Variants in GRB14 observed in about 807,000 individuals in gnomAD.
The protein encoded by GRB14 is growth factor receptor-bound protein 14.
GRB14 carries 38 observed loss-of-function variants against 69.1 expected under a neutral mutation model. That is an observed-to-expected ratio of 0.55 (90% CI 0.42 to 0.72). GRB14 has a LOEUF of 0.72. Ranked by LOEUF, GRB14 falls within the 30% of genes least tolerant of loss-of-function variation. The pLI is 0.00. For synonymous variants in GRB14, 247 were observed against 241.3 expected (o/e 1.02, Z -0.22); for missense variants, 666 against 666.1 (o/e 1.00, Z 0.00).
intron 2 of GRB14, among the ~76,000 whole-genome samples, chr2:164,587,206 T>C (rs1431836175): frequency 6.6e-6 from 1 of 152,156 alleles, no homozygotes; most frequent in Non-Finnish European, 1.5e-5. Flanking sequence ...AAAAAAACTT[T>C]CATTTGCAAA....
intron 2 of GRB14, among the ~76,000 whole-genome samples, chr2:164,595,404 A>G (rs1380500739): frequency 2.6e-5 from 4 of 152,234 alleles, no homozygotes; most frequent in African/African-American, 9.6e-5. Context: ...AACACAATGG[A>G]CACAGTGAGG....
intron 2 of GRB14, among the ~76,000 whole-genome samples, chr2:164,597,354 T>C (rs989957373): frequency 6.6e-6 from 1 of 152,200 alleles, no homozygotes; most frequent in Non-Finnish European, 1.5e-5. Flanking sequence ...AGCTATAATA[T>C]TTAATTTGCA....
intron 8 of GRB14, among the ~76,000 whole-genome samples, chr2:164,506,343 C>A (rs541383691): frequency 1.9e-4 from 29 of 152,158 alleles, no homozygotes; most frequent in Non-Finnish European, 3.4e-4. Context: ...ATGTAAATTT[C>A]AGTTAAACAA....
intron 4 of GRB14, among the ~76,000 whole-genome samples, chr2:164,526,174 A>T (rs1033610163): frequency 2.0e-5 from 3 of 152,108 alleles, no homozygotes; most frequent in Non-Finnish European, 4.4e-5. Context: ...ATAGGTTAAG[A>T]TAAAAGACAA....
intron 6 of GRB14, among the ~76,000 whole-genome samples, chr2:164,510,137 T>C (rs1687302562): frequency 6.6e-6 from 1 of 152,192 alleles, no homozygotes; most frequent in Admixed American, 6.5e-5. Context: ...AATTTGCTGG[T>C]AAAAATGTTT....
chr2:164,529,642 CAACA>C (rs1559036633), intron 3 of GRB14, among the ~76,000 whole-genome samples: 3 of 152,270 alleles, frequency 2.0e-5, no homozygotes, highest in Non-Finnish European at 4.4e-5. Context: ...GTCTCTTACA[CAACA>C]AACAACCCCC....
At chr2:164,600,512 TGGTATA>T (rs1028197962) in intron 2 of GRB14, among the ~76,000 whole-genome samples, 1 of 152,024 alleles carries the variant, frequency 6.6e-6, no homozygotes, top group African/African-American at 2.4e-5. Context: ...TCTTCAAAAG[TGGTATA>T]GAGTCAAGCT....
At chr2:164,536,527 C>T (rs539988495) in intron 3 of GRB14, among the ~76,000 whole-genome samples, 1 of 152,112 alleles carries the variant, frequency 6.6e-6, no homozygotes, top group Non-Finnish European at 1.5e-5. Context: ...CAGGAATAAG[C>T]ACCTAACCTT....
At chr2:164,546,696 G>T (rs1688385514) in intron 3 of GRB14, among the ~76,000 whole-genome samples, 1 of 152,208 alleles carries the variant, frequency 6.6e-6, no homozygotes, top group African/African-American at 2.4e-5. Flanking sequence ...CCTGGCAGAA[G>T]ATCTGCCTCT....
chr2:164,540,481 CTCCTGTAA>C (rs1319058587), intron 3 of GRB14, among the ~76,000 whole-genome samples: 1 of 152,060 alleles, frequency 6.6e-6, no homozygotes, highest in African/African-American at 2.4e-5. Flanking sequence ...TGGTGTCAGG[CTCCTGTAA>C]TCCCAGCTAC....
chr2:164,523,662 T>C (rs1300164292), intron 5 of GRB14, among the ~76,000 whole-genome samples: 1 of 151,990 alleles, frequency 6.6e-6, no homozygotes, highest in Non-Finnish European at 1.5e-5. Flanking sequence ...TTCCAAGTTA[T>C]TAAACCAAAC....
intron 2 of GRB14, among the ~76,000 whole-genome samples, chr2:164,566,329 A>G (rs1228544128): frequency 1.3e-5 from 2 of 152,202 alleles, no homozygotes; most frequent in Admixed American, 1.3e-4. Context: ...TAAGATCTTC[A>G]GAACAATCAA....
intron 6 of GRB14, among the ~76,000 whole-genome samples, chr2:164,511,523 G>A (rs1671188017): frequency 2.0e-5 from 3 of 152,146 alleles, no homozygotes; most frequent in Admixed American, 2.0e-4. Flanking sequence ...GGAACCCACT[G>A]CCTTGAAGGG....
At chr2:164,556,425 C>T (rs530232463) in intron 2 of GRB14, among the ~76,000 whole-genome samples, 1 of 152,304 alleles carries the variant, frequency 6.6e-6, no homozygotes, top group East Asian at 1.9e-4. Flanking sequence ...TAAGACATTA[C>T]TTAAAACAGA....
At chr2:164,573,927 C>T (rs1689182111) in intron 2 of GRB14, 1 of 1,612,880 alleles carries the variant, frequency 6.2e-7, no homozygotes, top group Non-Finnish European at 8.5e-7. Context: ...GGTAACAATG[C>T]AGTCTCACCC....
intron 2 of GRB14, among the ~76,000 whole-genome samples, chr2:164,597,864 T>C (rs748811988): frequency 6.6e-6 from 1 of 152,100 alleles, no homozygotes; most frequent in Non-Finnish European, 1.5e-5. Context: ...TCAAAATTGA[T>C]ACCTTGGAAA....
chr2:164,526,070 C>T (rs1006290215), intron 4 of GRB14, among the ~76,000 whole-genome samples: 2 of 152,006 alleles, frequency 1.3e-5, no homozygotes, highest in African/African-American at 4.8e-5. Context: ...GGACTCACAA[C>T]AAAAAGAAAC....
At chr2:164,503,819 C>T (rs1048800197) in intron 8 of GRB14, among the ~76,000 whole-genome samples, 1 of 152,138 alleles carries the variant, frequency 6.6e-6, no homozygotes, top group Non-Finnish European at 1.5e-5. Context: ...CAGCTGCCTA[C>T]TAATAAGTCT....
At chr2:164,613,581 A>G (rs1690216024) in intron 2 of GRB14, among the ~76,000 whole-genome samples, 1 of 152,244 alleles carries the variant, frequency 6.6e-6, no homozygotes, top group Admixed American at 6.5e-5. Flanking sequence ...CTGCAAAGAA[A>G]TCTCAAAAAT....
Sources: allele counts gnomAD v4.1 joint callset (sites outside exome capture counted in the v4.1 genomes callset), GRCh38; gene constraint gnomAD v4.1.1; transcripts MANE v1.5; gene names NCBI Gene and HGNC (gene_info 2026-07-23, HGNC 2026-07-21).